The following HIVEP2 variants were observed in gnomAD, a reference collection of about 807,000 sequenced individuals.
HIVEP2 encodes HIVEP zinc finger 2.
HIVEP2 carries 14 observed loss-of-function variants against 180.7 expected under a neutral mutation model. That is an observed-to-expected ratio of 0.08 (90% CI 0.05 to 0.12). HIVEP2 has a LOEUF of 0.12. Ranked by LOEUF, HIVEP2 falls within the 10% of genes least tolerant of loss-of-function variation. HIVEP2 has a pLI of 1.00. For synonymous variants in HIVEP2, 1,184 were observed against 1,136.4 expected (o/e 1.04, Z -0.84); for missense variants, 2,579 against 3,008.5 (o/e 0.86, Z 3.34).
intron 2 of HIVEP2, among the ~76,000 whole-genome samples, chr6:142,833,283 A>G: frequency 6.6e-6 from 1 of 152,258 alleles, no homozygotes; most frequent in East Asian, 1.9e-4. Flanking sequence ...CATGGAAGCC[A>G]TTTGCAGACA....
intron 2 of HIVEP2, among the ~76,000 whole-genome samples, chr6:142,833,064 G>C (rs1245505306): frequency 6.6e-6 from 1 of 152,144 alleles, no homozygotes. Context: ...CAGTTAACTA[G>C]ACTGGTGACT....
At chr6:142,891,868 C>A (rs1005320666) in intron 1 of HIVEP2, among the ~76,000 whole-genome samples, 3 of 152,216 alleles carry the variant, frequency 2.0e-5, no homozygotes, top group Non-Finnish European at 4.4e-5. Context: ...TCTCCACAAT[C>A]GAAAAACTGG....
At chr6:142,801,990 T>TGGA (rs1490238132) in intron 2 of HIVEP2, among the ~76,000 whole-genome samples, 1 of 152,182 alleles carries the variant, frequency 6.6e-6, no homozygotes, top group Non-Finnish European at 1.5e-5. Flanking sequence ...CATATTAATC[T>TGGA]GTAGACTGGA....
At chr6:142,907,225 T>A (rs12209896) in intron 1 of HIVEP2, among the ~76,000 whole-genome samples, 10 of 152,042 alleles carry the variant, frequency 6.6e-5, no homozygotes, top group Admixed American at 2.0e-4. Context: ...TTGTACTACA[T>A]CCATTATTTC....
At chr6:142,888,512 A>G (rs9496473) in intron 1 of HIVEP2, among the ~76,000 whole-genome samples, 7,994 of 152,234 alleles carry the variant, frequency 0.053, 697 homozygotes, top group African/African-American at 0.18. Flanking sequence ...CATTTAGTAA[A>G]TAAGATTGCT....
chr6:142,850,074 C>G (rs544320209), intron 1 of HIVEP2, among the ~76,000 whole-genome samples: 1 of 152,220 alleles, frequency 6.6e-6, no homozygotes, highest in Non-Finnish European at 1.5e-5. Context: ...AAATGTTCCT[C>G]GTGAAAGCAG....
intron 2 of HIVEP2, among the ~76,000 whole-genome samples, chr6:142,804,959 C>T (rs1447127825): frequency 6.6e-6 from 1 of 152,062 alleles, no homozygotes; most frequent in Non-Finnish European, 1.5e-5. Context: ...AGGCCATGGC[C>T]ACAAATTTTA....
chr6:142,945,507 C>T (rs1054865532), upstream of HIVEP2, among the ~76,000 whole-genome samples: 4 of 152,294 alleles, frequency 2.6e-5, no homozygotes, highest in South Asian at 6.2e-4. The surrounding 1 kb of genome is among the most constrained non-coding windows in gnomAD (Gnocchi z 5.5). Flanking sequence ...GAGGAGGGAC[C>T]TAGATTCCCG....
At chr6:142,791,666 C>T (rs1232935585) in intron 2 of HIVEP2, among the ~76,000 whole-genome samples, 4 of 152,156 alleles carry the variant, frequency 2.6e-5, no homozygotes, top group Non-Finnish European at 4.4e-5. Context: ...TAAAACATTA[C>T]TAAAATGCAA....
intron 1 of HIVEP2, among the ~76,000 whole-genome samples, chr6:142,857,502 C>A (rs1321618454): frequency 6.6e-6 from 1 of 152,204 alleles, no homozygotes; most frequent in Non-Finnish European, 1.5e-5. Flanking sequence ...GGTTTGTCAG[C>A]TAAAGAAATC....
Position 142,770,667 on chromosome 6 carries a change from C to G in HIVEP2, c.4072G>C (p.Gly1358Arg). 6.2e-7 allele frequency: 1 copy of G among 1,614,170 alleles called. No individual in the cohort carries two copies. Among genetic ancestry groups the G allele is most frequent in the Non-Finnish European group, 8.5e-7 (1 of 1,180,028 alleles). The change falls in exon 5 of 10, where the codon GGG becomes CGG. Residue 1358 changes from glycine to arginine, a missense_variant. Gly to Arg is a moderately radical substitution (Grantham distance 125). Transcript: ENST00000367603. The surrounding 1 kb of genome is among the most constrained non-coding windows in gnomAD (Gnocchi z 4.7). The stretch of plus-strand genomic sequence containing the variant: ...ATGACAATGGCAGGGCTATTCTGCC[C>G]AAGTATCTGAGAAATGCTTGTGTAC... ...VMYTSISQIL[G>R]QNSPAIVICK...
intron 3 of HIVEP2, among the ~76,000 whole-genome samples, chr6:142,779,917 C>T (rs968089904): frequency 4.6e-5 from 7 of 152,082 alleles, no homozygotes; most frequent in African/African-American, 1.2e-4. Flanking sequence ...GTGACTTACA[C>T]AAAATTCAAA....
intron 1 of HIVEP2, among the ~76,000 whole-genome samples, chr6:142,905,269 C>A (rs979808624): frequency 3.8e-4 from 58 of 152,008 alleles, no homozygotes; most frequent in African/African-American, 1.4e-3. Context: ...TCAATTAAAC[C>A]AATATAAAGA....
intron 1 of HIVEP2, among the ~76,000 whole-genome samples, chr6:142,893,544 C>T (rs1225123188): frequency 1.3e-5 from 2 of 152,156 alleles, no homozygotes; most frequent in Non-Finnish European, 2.9e-5. Context: ...CTGAAATTTA[C>T]AAAGGTTTAG....
At chr6:142,791,294 T>A (rs197511) in intron 2 of HIVEP2, among the ~76,000 whole-genome samples, 1 of 151,888 alleles carries the variant, frequency 6.6e-6, no homozygotes, top group African/African-American at 2.4e-5. Context: ...AGGAACCATA[T>A]GATCAAAAAT....
At chr6:142,783,428 C>G (rs1285784020) in intron 3 of HIVEP2, 93 bp downstream of exon 3, 3 of 151,946 alleles carry the variant, frequency 2.0e-5, no homozygotes, top group Non-Finnish European at 4.4e-5. Context: ...TGTTTCCTCC[C>G]TCCAGTTTAT....
intron 2 of HIVEP2, among the ~76,000 whole-genome samples, chr6:142,809,965 T>G (rs1426861933): frequency 2.6e-5 from 4 of 152,190 alleles, no homozygotes; most frequent in Non-Finnish European, 5.9e-5. Flanking sequence ...TGTTGCTAAA[T>G]CTCTTAGGGT....
At chr6:142,853,113 C>A (rs558466334) in intron 1 of HIVEP2, among the ~76,000 whole-genome samples, 1 of 152,282 alleles carries the variant, frequency 6.6e-6, no homozygotes, top group Admixed American at 6.5e-5. Flanking sequence ...AGGTATTTTT[C>A]TTTTCCTCTC....
chr6:142,804,638 T>G (rs139926884), intron 2 of HIVEP2, among the ~76,000 whole-genome samples: 33 of 152,250 alleles, frequency 2.2e-4, no homozygotes, highest in African/African-American at 7.5e-4. Flanking sequence ...AACTAACCTT[T>G]GCATAAGGTA....
Sources: gnomAD v4.1 joint callset for allele counts (sites outside exome capture counted in the v4.1 genomes callset) on GRCh38, gnomAD v4.1.1 for gene constraint, Gnocchi (gnomAD v3.1) non-coding constraint, MANE v1.5 for transcripts, NCBI Gene and HGNC (gene_info 2026-07-23, HGNC 2026-07-21) for gene names.